The following HEMK2 variants were observed in gnomAD, a reference collection of about 807,000 sequenced individuals.
The protein encoded by HEMK2 is methyltransferase HEMK2.
At chr21:28,676,292 G>A in the HEMK2 span, among the ~76,000 whole-genome samples, 1 of 152,176 alleles carries the variant, frequency 6.6e-6, no homozygotes. Flanking sequence ...ACACATGGTA[G>A]TCCCTCTGTG....
chr21:28,713,120 T>C, the HEMK2 span, among the ~76,000 whole-genome samples: 8 of 152,268 alleles, frequency 5.3e-5, no homozygotes, highest in East Asian at 1.5e-3. Flanking sequence ...AGTTTCCAAT[T>C]TGGGAGACCA....
the HEMK2 span, among the ~76,000 whole-genome samples, chr21:28,602,164 T>C: frequency 6.6e-6 from 1 of 152,230 alleles, no homozygotes. Context: ...CTTGGAAAAC[T>C]GGGCTTCGTT....
the HEMK2 span, among the ~76,000 whole-genome samples, chr21:28,692,792 T>C: frequency 6.6e-6 from 1 of 152,156 alleles, no homozygotes; most frequent in East Asian, 1.9e-4. Context: ...AAGTGTGGTA[T>C]ATTCAAACAA....
At chr21:28,710,571 CTG>C in the HEMK2 span, among the ~76,000 whole-genome samples, 2 of 152,174 alleles carry the variant, frequency 1.3e-5, no homozygotes, top group African/African-American at 4.8e-5. Flanking sequence ...CATTTCAGTG[CTG>C]TTTCATTTCT....
chr21:28,788,268 TC>T, the HEMK2 span, among the ~76,000 whole-genome samples: 2 of 122,220 alleles, frequency 1.6e-5, no homozygotes, highest in Non-Finnish European at 3.1e-5. Context: ...ACATATATAT[TC>T]CATCATATAT....
the HEMK2 span, among the ~76,000 whole-genome samples, chr21:28,697,959 T>A: frequency 6.6e-6 from 1 of 152,082 alleles, no homozygotes; most frequent in African/African-American, 2.4e-5. Flanking sequence ...CAGTGTCTTG[T>A]AAGGGCCTGA....
At chr21:28,603,029 C>T in the HEMK2 span, among the ~76,000 whole-genome samples, 1 of 152,196 alleles carries the variant, frequency 6.6e-6, no homozygotes, top group East Asian at 1.9e-4. Context: ...CTGCAGCCAT[C>T]ATGGAAATCC....
the HEMK2 span, among the ~76,000 whole-genome samples, chr21:28,884,725 C>G: frequency 6.6e-6 from 1 of 152,306 alleles, no homozygotes; most frequent in East Asian, 1.9e-4. Flanking sequence ...GTATGCTATT[C>G]AGTGGGTTTA....
chr21:28,786,499 T>A, the HEMK2 span, among the ~76,000 whole-genome samples: 2 of 152,022 alleles, frequency 1.3e-5, no homozygotes, highest in Non-Finnish European at 2.9e-5. Flanking sequence ...GGTGAAACCC[T>A]GTCTCTTCTA....
At chr21:28,797,318 G>A in the HEMK2 span, among the ~76,000 whole-genome samples, 5 of 152,052 alleles carry the variant, frequency 3.3e-5, no homozygotes, top group Admixed American at 1.3e-4. Flanking sequence ...AAGGAAGGCC[G>A]GAACCAGTGG....
the HEMK2 span, among the ~76,000 whole-genome samples, chr21:28,813,825 A>G: frequency 0.086 from 13,071 of 152,202 alleles, 1,321 homozygotes; most frequent in African/African-American, 0.23. Context: ...AAGCAATAGG[A>G]AAAGGATTCC....
the HEMK2 span, among the ~76,000 whole-genome samples, chr21:28,784,066 G>A: frequency 6.6e-6 from 1 of 152,176 alleles, no homozygotes; most frequent in Non-Finnish European, 1.5e-5. Context: ...TGTGTGGCCT[G>A]AGCCTCCCCG....
the HEMK2 span, among the ~76,000 whole-genome samples, chr21:28,654,337 G>T: frequency 1.3e-5 from 2 of 152,076 alleles, no homozygotes; most frequent in Non-Finnish European, 2.9e-5. Flanking sequence ...AAAAAATGTT[G>T]AAGTCTACTA....
At chr21:28,818,968 T>C in the HEMK2 span, among the ~76,000 whole-genome samples, 1 of 152,250 alleles carries the variant, frequency 6.6e-6, no homozygotes, top group Non-Finnish European at 1.5e-5. Flanking sequence ...ACCTAAGACC[T>C]ATATTTGCTG....
chr21:28,822,558 A>G, the HEMK2 span, among the ~76,000 whole-genome samples: 1 of 151,150 alleles, frequency 6.6e-6, no homozygotes, highest in Non-Finnish European at 1.5e-5. Flanking sequence ...CACACCATAA[A>G]AGTGGCTACA....
the HEMK2 span, among the ~76,000 whole-genome samples, chr21:28,793,462 AC>A: frequency 0.5 from 75,820 of 151,718 alleles, 21,491 homozygotes; most frequent in East Asian, 0.77. Flanking sequence ...AACCAACTTC[AC>A]TTCACGATTC....
At chr21:28,773,150 A>G in the HEMK2 span, among the ~76,000 whole-genome samples, 1 of 152,150 alleles carries the variant, frequency 6.6e-6, no homozygotes, top group African/African-American at 2.4e-5. Flanking sequence ...TGGTGCCAGG[A>G]TATGAACAAA....
chr21:28,640,230 G>A, the HEMK2 span, among the ~76,000 whole-genome samples: 2 of 152,164 alleles, frequency 1.3e-5, no homozygotes, highest in Non-Finnish European at 2.9e-5. Flanking sequence ...AGTAGCAGAC[G>A]CAAGTAGGAA....
the HEMK2 span, among the ~76,000 whole-genome samples, chr21:28,693,921 C>A: frequency 8.5e-5 from 13 of 152,134 alleles, no homozygotes; most frequent in Admixed American, 2.0e-4. Context: ...TTTACCCACA[C>A]AATCAAGAGA....
Sources: gnomAD v4.1 joint callset for allele counts (sites outside exome capture counted in the v4.1 genomes callset) on GRCh38, gnomAD v4.1.1 for gene constraint, MANE v1.5 for transcripts, NCBI Gene and HGNC (gene_info 2026-07-23, HGNC 2026-07-21) for gene names.